Variants in ABCB1 observed in about 807,000 individuals in gnomAD.
The protein encoded by ABCB1 is ATP-dependent translocase ABCB1.
Under a neutral mutation model 142.0 loss-of-function variants are expected in ABCB1, and 69 were observed. The observed-to-expected ratio is 0.49, with a 90% CI of 0.40 to 0.59. The LOEUF is 0.59. ABCB1 is among the 20% of genes least tolerant of loss of function. The pLI, the probability that ABCB1 is intolerant of heterozygous loss-of-function variation, is 0.00. For synonymous variants in ABCB1, 532 were observed against 539.2 expected, an observed-to-expected ratio of 0.99 and a Z score of 0.18; for missense variants, 1,326 against 1,554.7, an observed-to-expected ratio of 0.85 and a Z score of 2.47.
At chr7:87,675,912 C>T (rs144743013) in intron 1 of ABCB1, among the ~76,000 whole-genome samples, 2 of 152,222 alleles carry the variant, frequency 1.3e-5, no homozygotes, top group African/African-American at 4.8e-5. Flanking sequence ...ATAAGTGGAA[C>T]GACATTAAAC....
chr7:87,515,135 G>T, intron 25 of ABCB1, 96 bp downstream of exon 25: 1 of 1,466,232 alleles, frequency 6.8e-7, no homozygotes, highest in Non-Finnish European at 9.3e-7. Flanking sequence ...GTTGTTTAAA[G>T]GTTTGAAAAA....
intron 1 of ABCB1, among the ~76,000 whole-genome samples, chr7:87,676,397 A>G (rs1826358756): frequency 6.6e-6 from 1 of 152,034 alleles, no homozygotes; most frequent in Non-Finnish European, 1.5e-5. Flanking sequence ...CAACAACAAC[A>G]ACATTAAAAA....
At chr7:87,606,791 A>T (rs1265816396) in intron 1 of ABCB1, among the ~76,000 whole-genome samples, 1 of 152,036 alleles carries the variant, frequency 6.6e-6, no homozygotes, top group Admixed American at 6.6e-5. Flanking sequence ...TCTGTATTTG[A>T]GAAATTTCCT....
At chr7:87,536,605 G>C in intron 19 of ABCB1, 64 bp from the exon 20 acceptor site, 12 of 1,480,526 alleles carry the variant, frequency 8.1e-6, no homozygotes, top group Non-Finnish European at 1.1e-5. Flanking sequence ...CTCCAAGAGG[G>C]CAGCGATGGG....
chr7:87,576,927 C>T (rs1818294485), intron 4 of ABCB1, among the ~76,000 whole-genome samples: 1 of 151,682 alleles, frequency 6.6e-6, no homozygotes, highest in Admixed American at 6.6e-5. Flanking sequence ...CCAGTTATAC[C>T]CTTTTAGTTA....
intron 8 of ABCB1, among the ~76,000 whole-genome samples, chr7:87,556,189 G>A (rs1034906208): frequency 6.6e-6 from 1 of 152,098 alleles, no homozygotes; most frequent in Non-Finnish European, 1.5e-5. Context: ...CAAAACCATT[G>A]GTATGTAGGA....
Position 87,553,929 on chromosome 7 carries a change from G to A in ABCB1, c.831C>T (p.Tyr277=), listed in dbSNP as rs1297328873. The change falls in exon 9 of 28, where the codon TAC becomes TAT. Residue 277 remains tyrosine (Y), a synonymous_variant. Coordinates refer to ENST00000622132, the MANE Select transcript of ABCB1 (RefSeq NM_001348946.2). ...TTTTAGCTTCTTCTAAATTTTTGTTGTACCTGAGAAAAAGAACAAAAATGA... is the reference window on the plus strand; with the variant it reads ...TTTTAGCTTCTTCTAAATTTTTGTTATACCTGAGAAAAAGAACAAAAATGA... The part of the protein sequence containing the change: ...FGGQKKELER[Y]NKNLEEAKRI... 1.2e-6 allele frequency: 2 copies of A among 1,612,188 alleles called. No individual in the cohort carries two copies. Among genetic ancestry groups the A allele is most frequent in the Non-Finnish European group, 1.7e-6 (2 of 1,178,392 alleles).
intron 7 of ABCB1, among the ~76,000 whole-genome samples, chr7:87,562,643 A>C (rs1817609292): frequency 6.6e-6 from 1 of 152,040 alleles, no homozygotes; most frequent in Non-Finnish European, 1.5e-5. Context: ...AAACACCACA[A>C]TGAATTCTAC....
chr7:87,661,454 T>G (rs913327799), intron 1 of ABCB1, among the ~76,000 whole-genome samples: 1 of 151,640 alleles, frequency 6.6e-6, no homozygotes, highest in Non-Finnish European at 1.5e-5. Context: ...ATTATTTTAC[T>G]CTCTATCTCT....
intron 8 of ABCB1, among the ~76,000 whole-genome samples, chr7:87,557,733 C>T (rs755351103): frequency 1.3e-5 from 2 of 152,126 alleles, no homozygotes; most frequent in Admixed American, 6.5e-5. Flanking sequence ...ACTAAAATAT[C>T]AGATTTATCT....
At chr7:87,582,571 A>G (rs1309921512) in intron 4 of ABCB1, among the ~76,000 whole-genome samples, 1 of 152,162 alleles carries the variant, frequency 6.6e-6, no homozygotes, top group Non-Finnish European at 1.5e-5. Context: ...TCAATACCCT[A>G]CTTCAGAGAT....
intron 26 of ABCB1, among the ~76,000 whole-genome samples, chr7:87,506,822 G>C (rs1251681357): frequency 1.3e-5 from 2 of 152,110 alleles, no homozygotes; most frequent in Non-Finnish European, 2.9e-5. Context: ...ATTTTTATTT[G>C]CTATATCTGG....
At chr7:87,565,552 CA>C in intron 7 of ABCB1, 1 of 410,224 alleles carries the variant, frequency 2.4e-6, no homozygotes, top group South Asian at 1.8e-5. Context: ...ATTTTATAAC[CA>C]AAAATTTAAC....
rs28381929 is a variant in ABCB1, at chr7:87,542,824, G to A, written c.2211+1305C>T. On this transcript the variant is annotated intron_variant, in intron 17 of 27. Coordinates refer to ENST00000622132, the MANE Select transcript of ABCB1 (RefSeq NM_001348946.2). ...GTTCATTCATTTCCACATTGCTGTT[G>A]TGTACTACTAGGTCAGAGTTGAGTA... Among the ~76,000 whole-genome samples the A allele has an allele frequency of 1.2e-3, 187 of 152,204 alleles. 1 individual carries two copies. Among genetic ancestry groups the A allele is most frequent in the African/African-American group, 4.4e-3 (181 of 41,526 alleles).
At chr7:87,538,120 C>G (rs2117149426) in intron 19 of ABCB1, among the ~76,000 whole-genome samples, 1 of 152,228 alleles carries the variant, frequency 6.6e-6, no homozygotes, top group East Asian at 1.9e-4. Flanking sequence ...AAATGCTTGC[C>G]CTACTTAACA....
intron 1 of ABCB1, among the ~76,000 whole-genome samples, chr7:87,689,756 C>A (rs866149199): frequency 1.1e-4 from 16 of 152,206 alleles, no homozygotes; most frequent in Middle Eastern, 6.8e-3. Context: ...TTTTCAAAAT[C>A]ATTTTATGGT....
In ABCB1 at chr7:87,516,520, C is replaced by T. The variant is rs1317094548; in HGVS notation, c.3073G>A (p.Gly1025Ser). ...TPLIDSYSTE[G>S]LMPNTLEGNV... ...AACATCAAACTCACCGGCATTAGGCCTTCCGTGCTGTAGCTGTCAATCAAA... is the reference window on the plus strand; with the variant it reads ...AACATCAAACTCACCGGCATTAGGCTTTCCGTGCTGTAGCTGTCAATCAAA... The change falls in exon 24 of 28, where the codon GGC becomes AGC. Residue 1025 changes from glycine (G) to serine (S), a missense_variant. Transcript: ENST00000622132. The T allele has an allele frequency of 6.2e-7, 1 of 1,614,022 alleles. No individual in the cohort carries two copies. The highest frequency in any genetic ancestry group is 1.1e-5 in the South Asian group (1 of 91,090).
At chr7:87,552,051 T>C (rs1315545500) in intron 9 of ABCB1, among the ~76,000 whole-genome samples, 1 of 152,246 alleles carries the variant, frequency 6.6e-6, no homozygotes, top group African/African-American at 2.4e-5. Context: ...AGATGTTGTA[T>C]CATGATAAAA....
intron 23 of ABCB1, 52 bp downstream of exon 23, chr7:87,519,274 T>C: frequency 3.2e-6 from 5 of 1,550,240 alleles, no homozygotes; most frequent in South Asian, 2.2e-5. Flanking sequence ...ATGAAGCATG[T>C]TCATCCCAGC....
Sources: gnomAD v4.1 joint callset for allele counts (sites outside exome capture counted in the v4.1 genomes callset) on GRCh38, gnomAD v4.1.1 for gene constraint, MANE v1.5 for transcripts, NCBI Gene and HGNC (gene_info 2026-07-23, HGNC 2026-07-21) for gene names.